INPP4B: variants seen among roughly 807,000 people sequenced by gnomAD.
INPP4B encodes the protein inositol polyphosphate 4-phosphatase type II.
A neutral mutation model predicts 122.5 loss-of-function variants in INPP4B; 55 were observed. The observed-to-expected ratio is 0.45, with a 90% CI of 0.36 to 0.56. The LOEUF is 0.56. Among genes scored for constraint, INPP4B ranks in the 20% least tolerant of loss-of-function variants. The pLI, the probability that INPP4B is intolerant of heterozygous loss-of-function variation, is 0.00. For synonymous variants in INPP4B, 403 were observed against 388.7 expected (o/e 1.04, Z -0.43); for missense variants, 1,000 against 1,097.7 (o/e 0.91, Z 1.26).
Position 142,579,874 on chromosome 4 carries a change from G to GATA in INPP4B, c.-190-117149_-190-117148insTAT, listed in dbSNP as rs4054892. ...GGATGAATGGATAGATAGATAGATA[G>GATA]GTAGGTAGATAGATAGATAGATAGA... On this transcript the variant is annotated intron_variant, in intron 2 of 25. Coordinates refer to ENST00000262992, the MANE Select transcript of INPP4B (RefSeq NM_001101669.3). Among the ~76,000 whole-genome samples, 723 of 119,718 alleles carry GATA rather than the reference G, an allele frequency of 6.0e-3. 1 individual carries two copies. Among genetic ancestry groups the GATA allele is most frequent in the Middle Eastern group, 0.023 (5 of 218 alleles). The allele number at this position is 119,718 out of a possible 152,430, so 78.5% of individuals were successfully genotyped here. A position where few individuals can be genotyped will look rare whatever the true frequency, so the allele number is the denominator to read the frequency against.
At chr4:142,343,760 G>A (rs1043920973) in intron 7 of INPP4B, among the ~76,000 whole-genome samples, 3 of 151,922 alleles carry the variant, frequency 2.0e-5, no homozygotes, top group Non-Finnish European at 2.9e-5. Flanking sequence ...CTAACTAATC[G>A]TAACTTTAGT....
intron 11 of INPP4B, among the ~76,000 whole-genome samples, chr4:142,242,316 C>T (rs1284756313): frequency 2.0e-5 from 3 of 152,150 alleles, no homozygotes; most frequent in Non-Finnish European, 2.9e-5. Flanking sequence ...TCAGAAAATA[C>T]AGCAAACAGA....
intron 2 of INPP4B, among the ~76,000 whole-genome samples, chr4:142,515,381 C>T (rs191344306): frequency 2.0e-4 from 31 of 152,218 alleles, no homozygotes; most frequent in Middle Eastern, 3.4e-3. Flanking sequence ...AAATGCTGAT[C>T]GTCTTATTTA....
chr4:142,254,082 C>G (rs959862020), intron 11 of INPP4B, among the ~76,000 whole-genome samples: 12 of 152,124 alleles, frequency 7.9e-5, no homozygotes, highest in African/African-American at 1.9e-4. Flanking sequence ...GAGGCACCCC[C>G]CAGCAGGGGC....
At chr4:142,647,484 G>C (rs1752028463) in intron 2 of INPP4B, among the ~76,000 whole-genome samples, 1 of 152,164 alleles carries the variant, frequency 6.6e-6, no homozygotes, top group Non-Finnish European at 1.5e-5. Context: ...ATGATAACTT[G>C]AGGGGATGGA....
chr4:142,143,781 T>TTAC (rs1561273898), intron 18 of INPP4B, among the ~76,000 whole-genome samples: 3 of 152,088 alleles, frequency 2.0e-5, no homozygotes, highest in Non-Finnish European at 4.4e-5. Flanking sequence ...AGCACTATGA[T>TTAC]AGTACTTAAA....
At chr4:142,081,680 A>G (rs1038423077) in intron 25 of INPP4B, among the ~76,000 whole-genome samples, 1 of 152,132 alleles carries the variant, frequency 6.6e-6, no homozygotes, top group African/African-American at 2.4e-5. Flanking sequence ...TTGCTCTTAC[A>G]GTGTTATATA....
intron 6 of INPP4B, 47 bp downstream of exon 6, chr4:142,405,159 A>AAGAGAG (rs3076598): frequency 0.21 from 204,673 of 962,968 alleles, 6,633 homozygotes; most frequent in East Asian, 0.35. Context: ...GCGAGCCAGC[A>AAGAGAG]AGAGAGAGAG....
chr4:142,597,337 C>G (rs1738936957), intron 2 of INPP4B, among the ~76,000 whole-genome samples: 1 of 152,176 alleles, frequency 6.6e-6, no homozygotes, highest in Non-Finnish European at 1.5e-5. Context: ...CTATGTGGAT[C>G]AACGGTGACA....
At chr4:142,212,448 C>A (rs756249060) in intron 12 of INPP4B, among the ~76,000 whole-genome samples, 17 of 152,170 alleles carry the variant, frequency 1.1e-4, no homozygotes, top group Non-Finnish European at 2.1e-4. Flanking sequence ...CCTTAGTTTT[C>A]TTGCTTCTAT....
At chr4:142,139,983 A>G (rs1285877159) in intron 18 of INPP4B, among the ~76,000 whole-genome samples, 3 of 152,192 alleles carry the variant, frequency 2.0e-5, no homozygotes, top group African/African-American at 7.2e-5. Flanking sequence ...GGCCCAGATG[A>G]TTGTGTTAAC....
chr4:142,767,293 G>C lies in INPP4B; in HGVS notation c.-253-41392C>G, dbSNP rs151142712. ...AAGAGGGTGAAAATCTAAAGAAGCAGTATGCCCTTGCTTCCAAACCTAGGT... is the reference window on the plus strand; with the variant it reads ...AAGAGGGTGAAAATCTAAAGAAGCACTATGCCCTTGCTTCCAAACCTAGGT... On this transcript the variant is annotated intron_variant, in intron 1 of 25. Coordinates refer to ENST00000262992, the MANE Select transcript of INPP4B (RefSeq NM_001101669.3). Among the ~76,000 whole-genome samples the C allele has an allele frequency of 1.6e-3, 248 of 152,290 alleles. 2 individuals carry two copies. Among genetic ancestry groups the C allele is most frequent in the African/African-American group, 5.8e-3 (240 of 41,566 alleles).
chr4:142,404,679 A>G (rs1213114129), intron 6 of INPP4B, among the ~76,000 whole-genome samples: 1 of 152,214 alleles, frequency 6.6e-6, no homozygotes. Flanking sequence ...CCTGAAAAAC[A>G]TCGTAAGTTG....
intron 7 of INPP4B, among the ~76,000 whole-genome samples, chr4:142,375,501 T>G (rs968024752): frequency 6.6e-6 from 1 of 151,892 alleles, no homozygotes; most frequent in South Asian, 2.1e-4. Context: ...TCCAACCAGC[T>G]TTTTTGCACA....
At chr4:142,409,449 C>T (rs762170477) in intron 5 of INPP4B, among the ~76,000 whole-genome samples, 2 of 151,922 alleles carry the variant, frequency 1.3e-5, no homozygotes, top group South Asian at 2.1e-4. Flanking sequence ...GCCGAGATTG[C>T]GTCATTGTGC....
At chr4:142,518,990 T>C (rs1165769227) in intron 2 of INPP4B, 2 of 152,168 alleles carry the variant, frequency 1.3e-5, no homozygotes, top group Non-Finnish European at 2.9e-5. Context: ...GCCACAAAGG[T>C]TTGAGGCCAC....
intron 7 of INPP4B, among the ~76,000 whole-genome samples, chr4:142,338,911 T>C (rs189925606): frequency 4.6e-5 from 7 of 152,192 alleles, no homozygotes; most frequent in Admixed American, 1.3e-4. Flanking sequence ...TGACTTTCAG[T>C]TGAGTTTCCA....
chr4:142,568,435 A>C (rs879606837), intron 2 of INPP4B, among the ~76,000 whole-genome samples: 1 of 152,152 alleles, frequency 6.6e-6, no homozygotes, highest in Non-Finnish European at 1.5e-5. Flanking sequence ...TAGGATTTAG[A>C]AATGTTTAAG....
intron 23 of INPP4B, among the ~76,000 whole-genome samples, chr4:142,100,504 C>T (rs1784019666): frequency 1.3e-5 from 2 of 152,116 alleles, no homozygotes; most frequent in Admixed American, 6.6e-5. Flanking sequence ...GACTTGACTT[C>T]AAAAAACCCT....
Sources: gnomAD v4.1 joint callset for allele counts (sites outside exome capture counted in the v4.1 genomes callset) on GRCh38, gnomAD v4.1.1 for gene constraint, MANE v1.5 for transcripts, NCBI Gene and HGNC (gene_info 2026-07-23, HGNC 2026-07-21) for gene names.